Variants in EFCAB6 observed in about 807,000 individuals in gnomAD.
EFCAB6 encodes the protein EF-hand calcium binding domain 6.
Under a neutral mutation model 169.8 loss-of-function variants are expected in EFCAB6, and 156 were observed. The observed-to-expected ratio is 0.92, with a 90% CI of 0.81 to 1.05. EFCAB6 has a LOEUF of 1.05. Among genes scored for constraint, EFCAB6 ranks in the 50% least tolerant of loss-of-function variants. EFCAB6 has a pLI of 0.00. For synonymous variants in EFCAB6, 698 were observed against 676.4 expected (o/e 1.03, Z -0.50); for missense variants, 1,800 against 1,829.1 (o/e 0.98, Z 0.29).
chr22:43,778,708 T>C (rs1011197409), intron 3 of EFCAB6, among the ~76,000 whole-genome samples: 2 of 152,178 alleles, frequency 1.3e-5, no homozygotes, highest in Non-Finnish European at 2.9e-5. Flanking sequence ...AAGGCAAGCA[T>C]ATGAAACCAG....
chr22:43,810,443 A>G (rs965998910), intron 1 of EFCAB6, among the ~76,000 whole-genome samples: 2 of 152,236 alleles, frequency 1.3e-5, no homozygotes, highest in African/African-American at 4.8e-5. Context: ...AAAGGGTATC[A>G]TATTCATGTT....
chr22:43,714,532 GA>G (rs11412286), intron 9 of EFCAB6, among the ~76,000 whole-genome samples: 22 of 146,448 alleles, frequency 1.5e-4, no homozygotes, highest in South Asian at 4.3e-4. Flanking sequence ...CAAGGATCAA[GA>G]AAAAAAAAAA....
At chr22:43,606,397 A>C (rs985988609) in intron 22 of EFCAB6, among the ~76,000 whole-genome samples, 1 of 152,226 alleles carries the variant, frequency 6.6e-6, no homozygotes, top group Non-Finnish European at 1.5e-5. Flanking sequence ...GCGCAGACCC[A>C]GTGTTTAAGA....
At chr22:43,561,648 C>G (rs747296186) in intron 26 of EFCAB6, among the ~76,000 whole-genome samples, 1 of 152,182 alleles carries the variant, frequency 6.6e-6, no homozygotes, top group Non-Finnish European at 1.5e-5. Flanking sequence ...TCCCATTTCA[C>G]TTTTTAGCAA....
chr22:43,652,280 G>A (rs116901654), intron 17 of EFCAB6, among the ~76,000 whole-genome samples: 7,882 of 152,200 alleles, frequency 0.052, 339 homozygotes, highest in South Asian at 0.15. Context: ...GTTTTAAAAG[G>A]AGGCATTCTC....
intron 19 of EFCAB6, among the ~76,000 whole-genome samples, chr22:43,629,111 C>T (rs1166104493): frequency 6.6e-6 from 1 of 152,202 alleles, no homozygotes; most frequent in Non-Finnish European, 1.5e-5. Context: ...AGCGTGATTA[C>T]TGCAGGGACA....
At position 43,690,274 on chromosome 22, in the gene EFCAB6, C is replaced by T. The variant is rs567709224; in HGVS notation, c.1032-2693G>A. On this transcript the variant is annotated intron_variant, in intron 10 of 31. Transcript: ENST00000262726. ...CAGCACTTTGGGAGGCGGAGGCAGG[C>T]GGATCACGAGGTCAGGAGATCGAGA... Among the ~76,000 whole-genome samples, 190 of 145,852 alleles carry T rather than the reference C, an allele frequency of 1.3e-3. 11 individuals are homozygous for T. The South Asian group carries it at 0.04, about 31-fold the overall frequency.
chr22:43,584,120 G>A (rs1037295445), intron 24 of EFCAB6, among the ~76,000 whole-genome samples: 4 of 152,182 alleles, frequency 2.6e-5, no homozygotes. Context: ...GTGGCTGCAG[G>A]ACAGAAGGTT....
intron 8 of EFCAB6, 112 bp downstream of exon 8, chr22:43,731,587 G>C: frequency 1.7e-6 from 1 of 588,226 alleles, no homozygotes; most frequent in Non-Finnish European, 2.7e-6. Flanking sequence ...TAGCTTTGTA[G>C]ATAATGTATT....
intron 26 of EFCAB6, among the ~76,000 whole-genome samples, chr22:43,567,573 C>A (rs1372538374): frequency 6.6e-6 from 1 of 152,178 alleles, no homozygotes; most frequent in Admixed American, 6.5e-5. Flanking sequence ...AGGAGGCACA[C>A]ACCAAACAGT....
chr22:43,657,253 C>T (rs2056794370), intron 17 of EFCAB6, among the ~76,000 whole-genome samples: 1 of 152,126 alleles, frequency 6.6e-6, no homozygotes, highest in Non-Finnish European at 1.5e-5. Context: ...TGCGATGGCA[C>T]CCCTGCCCTC....
intron 18 of EFCAB6, among the ~76,000 whole-genome samples, chr22:43,634,670 G>A (rs1325616872): frequency 6.6e-6 from 1 of 151,424 alleles, no homozygotes; most frequent in East Asian, 1.9e-4. Flanking sequence ...ACATCCGGTG[G>A]GGGGCGGGCC....
intron 1 of EFCAB6, among the ~76,000 whole-genome samples, chr22:43,809,531 T>C (rs2063033044): frequency 6.6e-6 from 1 of 152,364 alleles, no homozygotes. Context: ...CCATACTCAC[T>C]ACCATTTATC....
chr22:43,794,616 T>C (rs1272000186), intron 2 of EFCAB6, among the ~76,000 whole-genome samples: 1 of 152,220 alleles, frequency 6.6e-6, no homozygotes, highest in Non-Finnish European at 1.5e-5. Flanking sequence ...AATAGATAAC[T>C]TGAGTTTGCA....
At chr22:43,541,142 C>T (rs771112793) in intron 27 of EFCAB6, among the ~76,000 whole-genome samples, 33 of 152,116 alleles carry the variant, frequency 2.2e-4, no homozygotes, top group Admixed American at 1.2e-3. Context: ...TCCAGAGAGG[C>T]GAGGGGAGGC....
intron 2 of EFCAB6, among the ~76,000 whole-genome samples, chr22:43,790,895 G>C (rs1454680427): frequency 6.6e-6 from 1 of 152,166 alleles, no homozygotes; most frequent in Admixed American, 6.5e-5. Flanking sequence ...ATCATACTCT[G>C]GTAGATTTGA....
At chr22:43,589,752 C>T (rs904850499) in intron 24 of EFCAB6, among the ~76,000 whole-genome samples, 1 of 152,174 alleles carries the variant, frequency 6.6e-6, no homozygotes, top group African/African-American at 2.4e-5. Flanking sequence ...CGCACCACTG[C>T]ACTCCAGCCT....
At chr22:43,799,952 T>C (rs2062644534) in intron 2 of EFCAB6, among the ~76,000 whole-genome samples, 2 of 152,158 alleles carry the variant, frequency 1.3e-5, no homozygotes, top group Non-Finnish European at 2.9e-5. Context: ...CTCCACCATC[T>C]TGGGTTCGCT....
At chr22:43,737,221 G>A (rs1320400557) in intron 6 of EFCAB6, among the ~76,000 whole-genome samples, 2 of 151,970 alleles carry the variant, frequency 1.3e-5, no homozygotes, top group Admixed American at 6.6e-5. Context: ...CCAGCAGGAC[G>A]GGTGCTGCGT....
Sources: gnomAD v4.1 joint callset for allele counts (sites outside exome capture counted in the v4.1 genomes callset) on GRCh38, gnomAD v4.1.1 for gene constraint, MANE v1.5 for transcripts, NCBI Gene and HGNC (gene_info 2026-07-23, HGNC 2026-07-21) for gene names.